F2RL1: variants seen among roughly 807,000 people sequenced by gnomAD.
The protein encoded by F2RL1 is F2R like trypsin receptor 1, also known as proteinase-activated receptor 2.
F2RL1 carries 16 observed loss-of-function variants against 21.7 expected under a neutral mutation model. The observed-to-expected ratio is 0.74, with a 90% confidence interval of 0.50 to 1.12. The LOEUF (loss-of-function observed/expected upper bound fraction) is 1.12. Ranked by LOEUF, F2RL1 falls within the 50% of genes most tolerant of loss-of-function variation. The probability of loss-of-function intolerance (pLI) is 0.00; values close to 1 mark genes in which losing one functional copy is unlikely to be tolerated. For synonymous variants in F2RL1, 181 were observed against 186.7 expected, an observed-to-expected ratio of 0.97 and a Z score of 0.25; for missense variants, 432 against 477.8, an observed-to-expected ratio of 0.90 and a Z score of 0.89.
In F2RL1 at chr5:76,832,704, T is replaced by A; in HGVS notation, c.97T>A (p.Ser33Thr). Residue 33 changes from serine to threonine, a missense_variant, in exon 2 of 2, where the codon TCT becomes ACT. Transcript: ENST00000296677. ...SGTIQGTSRS[S>T]KGRSLIGKVD... ...TTCTTGTACAGGAACCAGTAGATCC[T>A]CTAAAGGAAGAAGCCTTATTGGTAA... 6.2e-7 allele frequency: 1 copy of A among 1,608,204 alleles called. No individual in the cohort carries two copies. The highest frequency in any genetic ancestry group is 8.5e-7 in the Non-Finnish European group (1 of 1,176,484).
rs1750389303 is a variant in F2RL1, at chr5:76,833,384, C to G, written c.777C>G (p.Ala259=). ...TTCTGTTCCCAGCCTTCCTCACAGCCTCTGCCTATGTGCTGATGATCAGAA... is the reference window on the plus strand; with the variant it reads ...TTCTGTTCCCAGCCTTCCTCACAGCGTCTGCCTATGTGCTGATGATCAGAA... ...GVFLFPAFLT[A]SAYVLMIRML... is the part of the protein sequence containing the mutation. Residue 259 remains alanine, a synonymous_variant, in exon 2 of 2, where the codon GCC becomes GCG. Coordinates refer to ENST00000296677, the MANE Select transcript of F2RL1 (RefSeq NM_005242.6). 1 of 1,614,032 alleles carries G rather than the reference C, an allele frequency of 6.2e-7. No homozygotes were observed. Among genetic ancestry groups the G allele is most frequent in the African/African-American group, 1.3e-5 (1 of 75,010 alleles).
chr5:76,829,257 CTTCTTCTT>C (rs1258170643), intron 1 of F2RL1, among the ~76,000 whole-genome samples: 44 of 92,436 alleles, frequency 4.8e-4, no homozygotes, highest in South Asian at 1.4e-3. Context: ...TGTTCTTCTT[CTTCTTCTT>C]TTTTTTTTTT....
intron 1 of F2RL1, among the ~76,000 whole-genome samples, chr5:76,829,260 CTTCTTT>C (rs1259984730): frequency 3.0e-4 from 43 of 143,250 alleles, no homozygotes; most frequent in Admixed American, 4.2e-4. Flanking sequence ...TCTTCTTCTT[CTTCTTT>C]TTTTTTTTTT....
intron 1 of F2RL1, among the ~76,000 whole-genome samples, chr5:76,831,629 G>A (rs903356911): frequency 4.0e-5 from 6 of 151,380 alleles, no homozygotes; most frequent in Non-Finnish European, 8.8e-5. Context: ...CACTTCCGGG[G>A]TTCAAGCGAT....
chr5:76,819,289 T>C, intron 1 of F2RL1, 25 bp downstream of exon 1: 1 of 1,571,616 alleles, frequency 6.4e-7, no homozygotes, highest in Non-Finnish European at 8.6e-7. Context: ...CAAGGAGGGC[T>C]CTTATCTCTG....
chr5:76,830,021 T>G (rs1032059721), intron 1 of F2RL1, among the ~76,000 whole-genome samples: 6 of 152,212 alleles, frequency 3.9e-5, no homozygotes, highest in Non-Finnish European at 2.9e-5. Flanking sequence ...TGCCATAAAC[T>G]GATGATGTAA....
intron 1 of F2RL1, among the ~76,000 whole-genome samples, chr5:76,821,560 T>G (rs201697640): frequency 0.023 from 1,255 of 55,524 alleles, 10 homozygotes; most frequent in African/African-American, 0.078. Flanking sequence ...GGTTTGGTGG[T>G]TTTTTTTTGT....
At chr5:76,819,949 C>G (rs1035883933) in intron 1 of F2RL1, among the ~76,000 whole-genome samples, 2 of 152,142 alleles carry the variant, frequency 1.3e-5, no homozygotes, top group African/African-American at 4.8e-5. Context: ...TGGTAATGAG[C>G]GCTCAGGCCC....
chr5:76,832,662 A>G, intron 1 of F2RL1, 28 bp from the exon 2 acceptor site: 1 of 1,550,144 alleles, frequency 6.5e-7, no homozygotes, highest in Non-Finnish European at 8.7e-7. Flanking sequence ...TATTTCTGTA[A>G]TGACCCTTGT....
intron 1 of F2RL1, 69 bp downstream of exon 1, chr5:76,819,333 G>T (rs1395555597): frequency 2.2e-6 from 3 of 1,370,580 alleles, no homozygotes; most frequent in Non-Finnish European, 3.0e-6. Flanking sequence ...TGGGCAGACG[G>T]TGGGATCCGG....
intron 1 of F2RL1, among the ~76,000 whole-genome samples, chr5:76,830,185 C>A (rs577440073): frequency 6.6e-6 from 1 of 152,188 alleles, no homozygotes; most frequent in Non-Finnish European, 1.5e-5. Flanking sequence ...TTGGCCTGTT[C>A]CTTGATGTGA....
intron 1 of F2RL1, among the ~76,000 whole-genome samples, chr5:76,822,983 G>A (rs1006795229): frequency 6.6e-6 from 1 of 152,164 alleles, no homozygotes; most frequent in African/African-American, 2.4e-5. Context: ...TGTAATCCCA[G>A]CACTTTGGAA....
At position 76,833,954 on chromosome 5, in the gene F2RL1, C is replaced by A; in HGVS notation, c.*153C>A. 1.3e-6 allele frequency: 1 copy of A among 747,194 alleles called. No homozygotes were observed. The highest frequency in any genetic ancestry group is 2.1e-6 in the Non-Finnish European group (1 of 474,238). The allele number at this position is 747,194 out of a possible 1,614,324, so 46.3% of individuals were successfully genotyped here. On this transcript the variant is annotated 3_prime_UTR_variant, in exon 2 of 2. Transcript: ENST00000296677. ...GGATTGCTAGGAGCTCCCCTGTTTG[C>A]ATGAGAAAAGTAGTCCCCCAAATTA...
chr5:76,823,488 C>T (rs1750181458), intron 1 of F2RL1, among the ~76,000 whole-genome samples: 1 of 150,854 alleles, frequency 6.6e-6, no homozygotes, highest in Admixed American at 6.6e-5. Context: ...AAGTGATTCT[C>T]CTGCCTCAGC....
chr5:76,823,375 T>C (rs1046556885), intron 1 of F2RL1, among the ~76,000 whole-genome samples: 1 of 149,340 alleles, frequency 6.7e-6, no homozygotes, highest in Non-Finnish European at 1.5e-5. Context: ...GGTTGGTTTT[T>C]TTTTTTTTTT....
At position 76,832,866 on chromosome 5, in the gene F2RL1, G is replaced by C. The variant is rs768626598; in HGVS notation, c.259G>C (p.Val87Leu). 6.2e-7 allele frequency: 1 copy of C among 1,614,206 alleles called. No individual in the cohort carries two copies. The highest frequency in any genetic ancestry group is 8.5e-7 in the Non-Finnish European group (1 of 1,180,050). ...FLPIVYTIVF[V>L]VGLPSNGMAL... The stretch of plus-strand genomic sequence containing the variant: ...TCCAATTGTCTACACAATTGTGTTT[G>C]TGGTGGGTTTGCCAAGTAACGGCAT... The change falls in exon 2 of 2, where the codon GTG becomes CTG. Residue 87 changes from valine (V) to leucine (L), a missense_variant. Physicochemically the swap from Val to Leu is conservative, Grantham distance 32. Coordinates refer to ENST00000296677, the MANE Select transcript of F2RL1 (RefSeq NM_005242.6).
chr5:76,821,922 C>T (rs758351032), intron 1 of F2RL1, among the ~76,000 whole-genome samples: 2 of 151,584 alleles, frequency 1.3e-5, no homozygotes, highest in Non-Finnish European at 2.9e-5. Context: ...TGTGATCACT[C>T]GAGGGAAAAA....
At chr5:76,819,980 A>G (rs1484641120) in intron 1 of F2RL1, among the ~76,000 whole-genome samples, 1 of 152,100 alleles carries the variant, frequency 6.6e-6, no homozygotes, top group African/African-American at 2.4e-5. Flanking sequence ...ACGAGGATTT[A>G]CGAGCGGAAC....
intron 1 of F2RL1, among the ~76,000 whole-genome samples, chr5:76,827,026 ATGTT>A (rs1238349206): frequency 6.6e-6 from 1 of 151,424 alleles, no homozygotes; most frequent in Non-Finnish European, 1.5e-5. Flanking sequence ...ATTTTGTAAA[ATGTT>A]TGTAGAGATG....
Sources: gnomAD v4.1 joint callset for allele counts (sites outside exome capture counted in the v4.1 genomes callset) on GRCh38, gnomAD v4.1.1 for gene constraint, MANE v1.5 for transcripts, NCBI Gene and HGNC (gene_info 2026-07-23, HGNC 2026-07-21) for gene names.